SRPK2: variants seen among roughly 807,000 people sequenced by gnomAD.
The protein encoded by SRPK2 is SFRS protein kinase 2.
Under a neutral mutation model 90.8 loss-of-function variants are expected in SRPK2, and 21 were observed. That is an observed-to-expected ratio of 0.23 (90% confidence interval 0.16 to 0.33). The LOEUF (loss-of-function observed/expected upper bound fraction) is 0.33, where lower values mean the gene tolerates loss of function less well. Among genes scored for constraint, SRPK2 ranks in the 10% least tolerant of loss-of-function variants. The pLI is 1.00. For synonymous variants in SRPK2, 288 were observed against 311.1 expected, an observed-to-expected ratio of 0.93 and a Z score of 0.78; for missense variants, 620 against 869.0, an observed-to-expected ratio of 0.71 and a Z score of 3.60.
At chr7:105,267,533 A>G (rs1361356641) in intron 2 of SRPK2, among the ~76,000 whole-genome samples, 1 of 152,140 alleles carries the variant, frequency 6.6e-6, no homozygotes, top group Non-Finnish European at 1.5e-5. Flanking sequence ...CCACAAACCA[A>G]AAGTTAGAAG....
At chr7:105,217,406 A>T (rs1427696788) in intron 2 of SRPK2, among the ~76,000 whole-genome samples, 1 of 152,244 alleles carries the variant, frequency 6.6e-6, no homozygotes, top group African/African-American at 2.4e-5. Context: ...AGCACCCATG[A>T]AACCAAATAC....
At chr7:105,341,336 C>A (rs567949424) in intron 2 of SRPK2, among the ~76,000 whole-genome samples, 3 of 121,780 alleles carry the variant, frequency 2.5e-5, no homozygotes, top group Non-Finnish European at 4.7e-5. Context: ...CCAGCCTGGG[C>A]GAAAGGGCGA....
chr7:105,395,913 TTTTA>T (rs1277691368), intron 1 of SRPK2, among the ~76,000 whole-genome samples: 3 of 152,112 alleles, frequency 2.0e-5, no homozygotes, highest in Non-Finnish European at 2.9e-5. Flanking sequence ...TTAAAATTAT[TTTTA>T]TTTATTTATT....
At chr7:105,203,586 A>G (rs372352653) in intron 3 of SRPK2, 42 bp downstream of exon 3, 104 of 1,455,050 alleles carry the variant, frequency 7.1e-5, no homozygotes, top group Non-Finnish European at 8.4e-5. Flanking sequence ...ACACAGCCCA[A>G]TGGGGAAGGC....
chr7:105,323,459 A>T (rs1323114277), intron 2 of SRPK2, among the ~76,000 whole-genome samples: 1 of 152,226 alleles, frequency 6.6e-6, no homozygotes, highest in Admixed American at 6.5e-5. Flanking sequence ...GGAGAACCAC[A>T]TAGAATCTTT....
chr7:105,385,171 A>ATTTTTTTT lies in SRPK2; in HGVS notation c.71+3469_71+3476dup, dbSNP rs767913304. On this transcript the variant is annotated intron_variant, in intron 2 of 15. Coordinates refer to ENST00000393651, the MANE Select transcript of SRPK2 (RefSeq NM_182692.3). Reference sequence around the variant, plus strand: ...ACAGGCGTGAGCCACCGCGCCCGGCATTTTTTTTTTTTTTTTTTTTTTTTT... The same window carrying ATTTTTTTT: ...ACAGGCGTGAGCCACCGCGCCCGGCATTTTTTTTTTTTTTTTTTTTTTTTTTTTTTTTT... Among the ~76,000 whole-genome samples the ATTTTTTTT allele has an allele frequency of 6.0e-5, 3 of 49,674 alleles. 1 individual carries two copies. The highest frequency in any genetic ancestry group is 2.9e-4 in the African/African-American group (3 of 10,222). 32.6% of individuals were successfully genotyped at this position (49,674 alleles called of 152,430 possible).
intron 6 of SRPK2, among the ~76,000 whole-genome samples, chr7:105,162,705 T>C (rs1163403436): frequency 6.6e-6 from 1 of 152,208 alleles, no homozygotes; most frequent in Admixed American, 6.5e-5. Context: ...CGGCAGATTA[T>C]TTAAGGACTA....
At chr7:105,270,235 G>A (rs950558516) in intron 2 of SRPK2, among the ~76,000 whole-genome samples, 8 of 152,182 alleles carry the variant, frequency 5.3e-5, no homozygotes, top group African/African-American at 1.7e-4. Context: ...AAGCTGCCGA[G>A]CCACTGGGAG....
intron 2 of SRPK2, among the ~76,000 whole-genome samples, chr7:105,305,354 G>A (rs1811027580): frequency 1.3e-5 from 2 of 152,136 alleles, no homozygotes; most frequent in Non-Finnish European, 1.5e-5. Flanking sequence ...GCTGAGGCAG[G>A]AGAATCTCTT....
chr7:105,276,090 T>G (rs1441393224), intron 2 of SRPK2, among the ~76,000 whole-genome samples: 1 of 151,980 alleles, frequency 6.6e-6, no homozygotes, highest in African/African-American at 2.4e-5. Flanking sequence ...ATATATTTTT[T>G]TTTTTTAGAG....
At chr7:105,352,669 G>A (rs1817334119) in intron 2 of SRPK2, among the ~76,000 whole-genome samples, 2 of 152,244 alleles carry the variant, frequency 1.3e-5, no homozygotes, top group South Asian at 4.1e-4. Flanking sequence ...GGAGGCCAAG[G>A]TGGGCAGATT....
intron 7 of SRPK2, among the ~76,000 whole-genome samples, chr7:105,158,373 G>C (rs1806854509): frequency 1.3e-5 from 2 of 151,982 alleles, no homozygotes; most frequent in African/African-American, 4.8e-5. Flanking sequence ...TCCTGCCTCA[G>C]CTGGCAGAGT....
chr7:105,376,461 G>C (rs1484299106), intron 2 of SRPK2, among the ~76,000 whole-genome samples: 2 of 151,094 alleles, frequency 1.3e-5, no homozygotes, highest in Non-Finnish European at 2.9e-5. Flanking sequence ...CAGGATTTTT[G>C]CTCCAAATAC....
intron 15 of SRPK2, chr7:105,125,736 T>C (rs1232279597): frequency 9.1e-6 from 8 of 875,752 alleles, no homozygotes; most frequent in Non-Finnish European, 1.3e-5. Flanking sequence ...TTTCTCCTTT[T>C]GGGAGAAGAC....
chr7:105,186,402 T>G (rs1317647422), intron 3 of SRPK2, among the ~76,000 whole-genome samples: 1 of 152,226 alleles, frequency 6.6e-6, no homozygotes, highest in Admixed American at 6.5e-5. Flanking sequence ...TAAGTCCATG[T>G]GTGCCCATTG....
At chr7:105,178,768 C>T (rs1252237879) in intron 3 of SRPK2, among the ~76,000 whole-genome samples, 2 of 151,962 alleles carry the variant, frequency 1.3e-5, no homozygotes, top group African/African-American at 4.8e-5. Context: ...GTGATGACAC[C>T]ACTGCACTCC....
chr7:105,157,403 A>G (rs972333612), intron 7 of SRPK2, among the ~76,000 whole-genome samples: 7 of 152,214 alleles, frequency 4.6e-5, no homozygotes, highest in African/African-American at 1.7e-4. Context: ...CTGCAATAAA[A>G]AATCTTCCTA....
chr7:105,184,308 C>A (rs922582239), intron 3 of SRPK2, among the ~76,000 whole-genome samples: 5 of 152,022 alleles, frequency 3.3e-5, no homozygotes, highest in African/African-American at 1.2e-4. Flanking sequence ...TTATTTCTTA[C>A]ATACATAATG....
At chr7:105,268,832 G>T in intron 2 of SRPK2, 1 of 1,600,062 alleles carries the variant, frequency 6.2e-7, no homozygotes, top group South Asian at 1.1e-5. Flanking sequence ...ACTTCTCAGA[G>T]TTAACTGACA....
Sources: gnomAD v4.1 joint callset for allele counts (sites outside exome capture counted in the v4.1 genomes callset) on GRCh38, gnomAD v4.1.1 for gene constraint, MANE v1.5 for transcripts, NCBI Gene and HGNC (gene_info 2026-07-23, HGNC 2026-07-21) for gene names.